Variants in SPATA17 observed in about 807,000 individuals in gnomAD.
The protein encoded by SPATA17 is spermatogenesis-associated protein 17.
In SPATA17, 53 loss-of-function variants were observed where a neutral mutation model predicts 62.2. That is an observed-to-expected ratio of 0.85 (90% CI 0.68 to 1.07). The LOEUF (loss-of-function observed/expected upper bound fraction) is 1.07. Among genes scored for constraint, SPATA17 ranks in the 50% least tolerant of loss-of-function variants. The pLI, the probability that SPATA17 is intolerant of heterozygous loss-of-function variation, is 0.00. For synonymous variants in SPATA17, 146 were observed against 146.8 expected (o/e 0.99, Z 0.04); for missense variants, 466 against 425.5 (o/e 1.10, Z -0.84).
At chr1:217,835,446 G>A (rs6674883) in intron 9 of SPATA17, among the ~76,000 whole-genome samples, 76,200 of 151,872 alleles carry the variant, frequency 0.5, 20,026 homozygotes, top group African/African-American at 0.67. Flanking sequence ...ATTAGCTGGC[G>A]TATTTATCTA....
intron 5 of SPATA17, among the ~76,000 whole-genome samples, chr1:217,684,438 G>A (rs186932114): frequency 3.3e-5 from 5 of 150,620 alleles, no homozygotes; most frequent in Admixed American, 2.6e-4. Context: ...TTTTTGAGAC[G>A]GAGTCTTCCT....
At chr1:217,712,128 C>CTTTTTTTTTTTTTTTTTTTTTTTTTTTT (rs551988828) in intron 5 of SPATA17, among the ~76,000 whole-genome samples, 2 of 134,118 alleles carry the variant, frequency 1.5e-5, no homozygotes, top group African/African-American at 5.7e-5. Context: ...ACAATATGTT[C>CTTTTTTTTTTTTTTTTTTTTTTTTTTTT]TTTTGTTTTT....
chr1:217,750,063 C>T (rs1199008190), intron 6 of SPATA17, among the ~76,000 whole-genome samples: 1 of 141,618 alleles, frequency 7.1e-6, no homozygotes, highest in East Asian at 2.1e-4. Flanking sequence ...TCAGAAGCCT[C>T]CCCTCTACCT....
intron 6 of SPATA17, among the ~76,000 whole-genome samples, chr1:217,761,267 A>G (rs890042187): frequency 4.6e-5 from 7 of 152,022 alleles, no homozygotes; most frequent in African/African-American, 1.7e-4. Context: ...TAATTTCTGT[A>G]TGTCTGGTAT....
chr1:217,791,951 AG>A (rs1275335092), intron 8 of SPATA17, among the ~76,000 whole-genome samples: 3 of 152,130 alleles, frequency 2.0e-5, no homozygotes, highest in Admixed American at 1.3e-4. Context: ...GCTGCTTTAT[AG>A]GTAGGATCCT....
intron 9 of SPATA17, among the ~76,000 whole-genome samples, chr1:217,832,894 G>C (rs551241018): frequency 6.6e-6 from 1 of 151,758 alleles, no homozygotes; most frequent in Non-Finnish European, 1.5e-5. Context: ...CAGTGAGCTG[G>C]GATTGTACCA....
chr1:217,773,689 C>T (rs1673511370), intron 6 of SPATA17, among the ~76,000 whole-genome samples: 1 of 152,020 alleles, frequency 6.6e-6, no homozygotes, highest in East Asian at 1.9e-4. Flanking sequence ...ACTACAGAAG[C>T]ATAGCACCTA....
At position 217,638,387 on chromosome 1, in the gene SPATA17, G is replaced by C. The variant is rs540497855; in HGVS notation, c.68+6941G>C. Among the ~76,000 whole-genome samples the C allele has an allele frequency of 2.0e-5, 3 of 152,284 alleles. No individual in the cohort carries two copies. The South Asian group carries it at 6.2e-4, about 32-fold the overall frequency. ...TTAGATGTGCTGCTGGAATACAATAGAGATGGTTCCATTTAATTCAAAAGC... is the reference window on the plus strand; with the variant it reads ...TTAGATGTGCTGCTGGAATACAATACAGATGGTTCCATTTAATTCAAAAGC... On this transcript the variant is annotated intron_variant, in intron 1 of 10. Transcript: ENST00000366933.
At chr1:217,649,109 C>T in intron 2 of SPATA17, 138 bp downstream of exon 2, 1 of 576,736 alleles carries the variant, frequency 1.7e-6, no homozygotes, top group Non-Finnish European at 2.9e-6. Context: ...GTATGTATTT[C>T]TTTTAAAAGA....
chr1:217,810,218 G>T (rs1674552594), intron 9 of SPATA17, among the ~76,000 whole-genome samples: 1 of 151,798 alleles, frequency 6.6e-6, no homozygotes, highest in South Asian at 2.1e-4. Context: ...AGAAACTTTT[G>T]GATACACAGT....
intron 7 of SPATA17, among the ~76,000 whole-genome samples, chr1:217,777,593 G>T (rs1673624602): frequency 6.6e-6 from 1 of 151,912 alleles, no homozygotes; most frequent in South Asian, 2.1e-4. Flanking sequence ...GTAGATATAG[G>T]GTTTCACCAT....
At chr1:217,681,964 C>T (rs1251875775) in intron 4 of SPATA17, among the ~76,000 whole-genome samples, 1 of 151,120 alleles carries the variant, frequency 6.6e-6, no homozygotes, top group East Asian at 1.9e-4. Flanking sequence ...GACGTGTGTT[C>T]TCTTAGCCTA....
At chr1:217,697,890 A>G (rs1671496245) in intron 5 of SPATA17, among the ~76,000 whole-genome samples, 1 of 152,070 alleles carries the variant, frequency 6.6e-6, no homozygotes, top group African/African-American at 2.4e-5. Context: ...TATTTATTTT[A>G]TTTGCCCTTT....
At chr1:217,734,942 T>C (rs1571767424) in intron 5 of SPATA17, among the ~76,000 whole-genome samples, 2 of 152,154 alleles carry the variant, frequency 1.3e-5, no homozygotes, top group East Asian at 3.9e-4. Context: ...GGACCACACT[T>C]TGAGACCCAC....
intron 5 of SPATA17, among the ~76,000 whole-genome samples, chr1:217,722,461 G>T (rs1672155121): frequency 6.6e-6 from 1 of 151,584 alleles, no homozygotes; most frequent in Non-Finnish European, 1.5e-5. Context: ...AAAACATATA[G>T]AAAATTAATA....
intron 6 of SPATA17, among the ~76,000 whole-genome samples, chr1:217,756,644 T>C (rs1373618593): frequency 6.6e-6 from 1 of 152,220 alleles, no homozygotes; most frequent in Non-Finnish European, 1.5e-5. Context: ...TGGGAATTAG[T>C]GCCTCAGTTT....
At position 217,683,376 on chromosome 1, in the gene SPATA17, C is replaced by T. The variant is rs1671143571; in HGVS notation, c.395+15C>T. ...GATGCAATTAGGTAAGTAGTGCAAT[C>T]ATCCATTCACTAGGGAAAACTTTGG... On this transcript the variant is annotated intron_variant, in intron 5 of 10. Coordinates refer to ENST00000366933, the MANE Select transcript of SPATA17 (RefSeq NM_138796.4). 1 of 1,472,316 alleles carries T rather than the reference C, an allele frequency of 6.8e-7. No homozygotes were observed. The highest frequency in any genetic ancestry group is 9.5e-7 in the Non-Finnish European group (1 of 1,054,778). The allele number at this position is 1,472,316 out of a possible 1,614,324, so 91.2% of individuals were successfully genotyped here. A position where few individuals can be genotyped will look rare whatever the true frequency, so the allele number is the denominator to read the frequency against.
At chr1:217,777,762 G>C (rs534011236) in intron 7 of SPATA17, among the ~76,000 whole-genome samples, 3 of 152,004 alleles carry the variant, frequency 2.0e-5, no homozygotes, top group African/African-American at 7.3e-5. Context: ...CTGATCATTC[G>C]TTCCTTTACT....
intron 9 of SPATA17, among the ~76,000 whole-genome samples, chr1:217,810,975 C>T (rs959136126): frequency 2.0e-5 from 3 of 152,100 alleles, no homozygotes; most frequent in Non-Finnish European, 4.4e-5. Flanking sequence ...GGTGGGTACA[C>T]AGAGCCAAAC....
Sources: allele counts gnomAD v4.1 joint callset (sites outside exome capture counted in the v4.1 genomes callset), GRCh38; gene constraint gnomAD v4.1.1; transcripts MANE v1.5; gene names NCBI Gene and HGNC (gene_info 2026-07-23, HGNC 2026-07-21).